The following TIMM23B variants were observed in gnomAD, a reference collection of about 807,000 sequenced individuals.
The protein encoded by TIMM23B is mitochondrial import inner membrane translocase subunit Tim23B.
TIMM23B carries 27 observed loss-of-function variants against 27.3 expected under a neutral mutation model. The observed-to-expected ratio is 0.99, with a 90% CI of 0.73 to 1.36. The LOEUF (loss-of-function observed/expected upper bound fraction) is 1.36, where lower values mean the gene tolerates loss of function less well. Ranked by LOEUF, TIMM23B falls within the 40% of genes most tolerant of loss-of-function variation. The pLI, the probability that TIMM23B is intolerant of heterozygous loss-of-function variation, is 0.00. For missense variants in TIMM23B, 205 were observed against 244.2 expected (o/e 0.84, Z 1.07); for synonymous variants, 73 against 92.4 (o/e 0.79, Z 1.21).
intron 6 of TIMM23B, among the ~76,000 whole-genome samples, chr10:49,965,410 G>C (rs1476879220): frequency 6.6e-6 from 1 of 150,690 alleles, no homozygotes; most frequent in Non-Finnish European, 1.5e-5. Flanking sequence ...TCATGAAATT[G>C]AAAAATGAAA....
At chr10:49,961,333 A>G (rs1304557795) in intron 6 of TIMM23B, among the ~76,000 whole-genome samples, 5 of 148,414 alleles carry the variant, frequency 3.4e-5, no homozygotes, top group African/African-American at 7.5e-5. Flanking sequence ...CGGTGAGGCA[A>G]GATCACGCCA....
chr10:49,952,847 G>A (rs1415010006), intron 4 of TIMM23B, among the ~76,000 whole-genome samples: 1 of 150,656 alleles, frequency 6.6e-6, no homozygotes, highest in Non-Finnish European at 1.5e-5. Flanking sequence ...TTGCTAATGG[G>A]AATTTTGGAT....
rs1839555013 is a variant in TIMM23B at position 49,952,228 on chromosome 10, T to G, written c.259+9T>G. ...AGGGTGTTGCATGACAGGTGAGTGT[T>G]ACATACTTTTTTCTCAAGAGTGCTC... On this transcript the variant is annotated intron_variant, in intron 3 of 6. Coordinates refer to ENST00000651259, the MANE Select transcript of TIMM23B (RefSeq NM_001290117.2). 6.2e-7 allele frequency: 1 copy of G among 1,602,850 alleles called. No individual in the cohort carries two copies. The highest frequency in any genetic ancestry group is 1.3e-5 in the African/African-American group (1 of 74,652).
intron 6 of TIMM23B, among the ~76,000 whole-genome samples, chr10:49,965,076 C>T (rs546550958): frequency 5.3e-5 from 8 of 152,006 alleles, no homozygotes; most frequent in African/African-American, 9.7e-5. Flanking sequence ...AAAAATTAGC[C>T]GGGCATGATG....
At chr10:49,960,131 T>C (rs1316405663) in intron 6 of TIMM23B, among the ~76,000 whole-genome samples, 1 of 146,778 alleles carries the variant, frequency 6.8e-6, no homozygotes, top group Non-Finnish European at 1.5e-5. Flanking sequence ...CACTGTAGCC[T>C]TGACCTCCTG....
intron 6 of TIMM23B, among the ~76,000 whole-genome samples, chr10:49,968,554 G>A (rs143986222): frequency 0.028 from 4,318 of 152,344 alleles, 88 homozygotes; most frequent in Non-Finnish European, 0.048. Flanking sequence ...GAAATGTTAG[G>A]CCTGGCACAG....
chr10:49,953,388 C>T (rs1379002997), intron 4 of TIMM23B, among the ~76,000 whole-genome samples: 3 of 152,190 alleles, frequency 2.0e-5, no homozygotes, highest in African/African-American at 4.8e-5. Context: ...CTGTGTTGCC[C>T]GAGCTGGAGT....
chr10:49,973,909 C>G lies in TIMM23B; in HGVS notation c.*845C>G, dbSNP rs1436693785. On this transcript the variant is annotated 3_prime_UTR_variant, in exon 7 of 7. Transcript: ENST00000651259. Reference sequence around the variant, plus strand: ...CTCTGCCTCCCGGCTTCAAGCAGTTCTCCTGCCTCAGCCTCCCAAGTAGCT... The same window carrying G: ...CTCTGCCTCCCGGCTTCAAGCAGTTGTCCTGCCTCAGCCTCCCAAGTAGCT... 4 of 134,442 alleles carry G rather than the reference C, an allele frequency of 3.0e-5. No individual in the cohort carries two copies. Among genetic ancestry groups the G allele is most frequent in the Non-Finnish European group, 6.3e-5 (4 of 63,390 alleles). 8.3% of individuals were successfully genotyped at this position (134,442 alleles called of 1,614,324 possible). A position where few individuals can be genotyped will look rare whatever the true frequency, so the allele number is the denominator to read the frequency against.
rs1192215559 is a variant in TIMM23B, at chr10:49,950,549, T to C, written c.166-1577T>C. On this transcript the variant is annotated intron_variant, in intron 2 of 6. Coordinates refer to ENST00000651259, the MANE Select transcript of TIMM23B (RefSeq NM_001290117.2). ...TTTTTTTTTTAAGTTTTCTTTTCTT[T>C]TTTTTTTTTTGGAGATGGAGTCTCG... Among the ~76,000 whole-genome samples the C allele has an allele frequency of 5.4e-5, 8 of 148,982 alleles. No homozygotes were observed. The East Asian group carries it at 1.6e-3, about 29-fold the overall frequency.
intron 1 of TIMM23B, among the ~76,000 whole-genome samples, chr10:49,943,737 GTTTT>G (rs35547755): frequency 2.0e-4 from 23 of 113,608 alleles, no homozygotes; most frequent in East Asian, 4.8e-4. Flanking sequence ...GTTTTTGTGG[GTTTT>G]TTTTTTTTTT....
intron 6 of TIMM23B, among the ~76,000 whole-genome samples, chr10:49,965,102 C>G (rs184979660): frequency 3.9e-5 from 6 of 152,036 alleles, no homozygotes; most frequent in Non-Finnish European, 8.8e-5. Context: ...TGCCTGTAAT[C>G]CCAGCTACTC....
intron 2 of TIMM23B, 118 bp downstream of exon 2, chr10:49,945,208 C>T (rs1430216738): frequency 4.4e-6 from 4 of 910,222 alleles, no homozygotes; most frequent in Non-Finnish European, 6.9e-6. Context: ...CTCTGGTCTC[C>T]ATTCACCCTT....
intron 6 of TIMM23B, among the ~76,000 whole-genome samples, chr10:49,970,623 G>A (rs1840393194): frequency 6.7e-6 from 1 of 150,156 alleles, no homozygotes; most frequent in Non-Finnish European, 1.5e-5. Context: ...GAGGTGGGGG[G>A]GCAGCCCCCG....
intron 6 of TIMM23B, among the ~76,000 whole-genome samples, chr10:49,960,702 C>A (rs1257153012): frequency 6.6e-6 from 1 of 151,170 alleles, no homozygotes; most frequent in African/African-American, 2.4e-5. Context: ...TCTCACCAAA[C>A]CAAATTACCT....
chr10:49,948,863 A>G (rs1373509070), intron 2 of TIMM23B, among the ~76,000 whole-genome samples: 1 of 152,204 alleles, frequency 6.6e-6, no homozygotes, highest in African/African-American at 2.4e-5. Flanking sequence ...TACATGAGAT[A>G]CATATCAGTA....
At chr10:49,968,319 CAGAT>C (rs1840259212) in intron 6 of TIMM23B, among the ~76,000 whole-genome samples, 1 of 152,266 alleles carries the variant, frequency 6.6e-6, no homozygotes, top group African/African-American at 2.4e-5. Flanking sequence ...CTCTTACTCT[CAGAT>C]AGCTCAGAAA....
At chr10:49,958,148 C>T (rs1344424665) in intron 5 of TIMM23B, among the ~76,000 whole-genome samples, 3 of 152,156 alleles carry the variant, frequency 2.0e-5, no homozygotes, top group African/African-American at 4.8e-5. Context: ...CCTGAAGTGC[C>T]CCAGTAATAC....
At chr10:49,965,779 T>C (rs1205617507) in intron 6 of TIMM23B, among the ~76,000 whole-genome samples, 2 of 143,648 alleles carry the variant, frequency 1.4e-5, no homozygotes, top group Non-Finnish European at 3.2e-5. Flanking sequence ...CCAGCCTGGG[T>C]AATGGAGCGA....
At position 49,955,119 on chromosome 10, in the gene TIMM23B, T is replaced by G. The variant is rs1839671680; in HGVS notation, c.403+59T>G. 1.2e-5 allele frequency: 19 copies of G among 1,550,856 alleles called. No homozygotes were observed. The South Asian group carries it at 2.1e-4, about 17-fold the overall frequency. On this transcript the variant is annotated intron_variant, in intron 5 of 6. Transcript: ENST00000651259. ...AACTTAAAGAAAGAATGCACAAATA[T>G]CATGAACAATTTGATCAACCCATAT...
Sources: allele counts gnomAD v4.1 joint callset (sites outside exome capture counted in the v4.1 genomes callset), GRCh38; gene constraint gnomAD v4.1.1; transcripts MANE v1.5; gene names NCBI Gene and HGNC (gene_info 2026-07-23, HGNC 2026-07-21).